The following RAPGEF2 variants were observed in gnomAD, a reference collection of about 807,000 sequenced individuals.
The protein encoded by RAPGEF2 is PDZ domain containing guanine nucleotide exchange factor (GEF) 1.
RAPGEF2 carries 54 observed loss-of-function variants against 186.7 expected under a neutral mutation model. The observed-to-expected ratio is 0.29, with a 90% CI of 0.23 to 0.36. RAPGEF2 has a LOEUF of 0.36. Ranked by LOEUF, RAPGEF2 falls within the 10% of genes least tolerant of loss-of-function variation. The pLI is 1.00. For synonymous variants in RAPGEF2, 712 were observed against 705.9 expected, an observed-to-expected ratio of 1.01 and a Z score of -0.14; for missense variants, 1,532 against 2,045.0, an observed-to-expected ratio of 0.75 and a Z score of 4.84.
intron 4 of RAPGEF2, among the ~76,000 whole-genome samples, chr4:159,214,728 C>G (rs1750842362): frequency 6.6e-6 from 1 of 152,066 alleles, no homozygotes; most frequent in Non-Finnish European, 1.5e-5. Flanking sequence ...GTATCTAGCT[C>G]TTTAGATTAT....
chr4:159,162,716 A>G lies in RAPGEF2; in HGVS notation c.70-23926A>G, dbSNP rs1323735276. 6.6e-5 allele frequency among the ~76,000 whole-genome samples: 10 copies of G among 152,292 alleles called. No homozygotes were observed. In the South Asian group the frequency reaches 1.9e-3, roughly 28 times the overall value. On this transcript the variant is annotated intron_variant, in intron 1 of 29. Transcript: ENST00000691494. ...CCTGTGCATTGAGTTTTCAAATGGA[A>G]TTGATTCTCAGGTTATAAGTAACTT... is the stretch of plus-strand genomic sequence containing the variant.
chr4:159,160,358 C>T (rs1744576091), intron 1 of RAPGEF2, among the ~76,000 whole-genome samples: 1 of 152,188 alleles, frequency 6.6e-6, no homozygotes, highest in Non-Finnish European at 1.5e-5. Context: ...AACATGTTTT[C>T]TCACATTATA....
chr4:159,242,312 TAAC>T (rs1316724997), intron 6 of RAPGEF2, among the ~76,000 whole-genome samples: 3 of 151,762 alleles, frequency 2.0e-5, no homozygotes, highest in Non-Finnish European at 4.4e-5. Flanking sequence ...AATAGATAAT[TAAC>T]AACTATTTTA....
chr4:159,145,435 T>C (rs1430138788), intron 1 of RAPGEF2, among the ~76,000 whole-genome samples: 2 of 152,064 alleles, frequency 1.3e-5, no homozygotes, highest in Non-Finnish European at 2.9e-5. Flanking sequence ...TGCCAAAACA[T>C]GTGATCTATA....
chr4:159,298,646 G>GA (rs1386311423), intron 7 of RAPGEF2, among the ~76,000 whole-genome samples: 2 of 152,230 alleles, frequency 1.3e-5, no homozygotes, highest in African/African-American at 4.8e-5. Context: ...TAGAGAAAGA[G>GA]AAACAATATG....
intron 1 of RAPGEF2, among the ~76,000 whole-genome samples, chr4:159,165,102 A>G (rs2111230927): frequency 6.6e-6 from 1 of 152,180 alleles, no homozygotes; most frequent in African/African-American, 2.4e-5. Context: ...GGTCTGTAGG[A>G]TAAGCTTATT....
At chr4:159,317,309 C>T (rs1579913317) in intron 9 of RAPGEF2, among the ~76,000 whole-genome samples, 1 of 152,116 alleles carries the variant, frequency 6.6e-6, no homozygotes, top group South Asian at 2.1e-4. Context: ...GGGTGAGCAC[C>T]TTCTATGTAC....
intron 4 of RAPGEF2, among the ~76,000 whole-genome samples, chr4:159,223,983 C>T (rs578031144): frequency 6.6e-6 from 1 of 152,154 alleles, no homozygotes; most frequent in East Asian, 1.9e-4. Flanking sequence ...ACTGCAACCT[C>T]CACCTCTCAG....
At chr4:159,160,638 T>C (rs1281623805) in intron 1 of RAPGEF2, among the ~76,000 whole-genome samples, 2 of 152,256 alleles carry the variant, frequency 1.3e-5, no homozygotes, top group Admixed American at 1.3e-4. Flanking sequence ...ATCTTTAACA[T>C]GATATTCAGT....
chr4:159,309,676 C>T (rs913882157), intron 8 of RAPGEF2, among the ~76,000 whole-genome samples: 3 of 152,136 alleles, frequency 2.0e-5, no homozygotes, highest in Admixed American at 6.6e-5. Context: ...GTTAGTAATA[C>T]GAGACAATGC....
intron 1 of RAPGEF2, among the ~76,000 whole-genome samples, chr4:159,140,449 T>A (rs988323401): frequency 2.0e-5 from 3 of 152,228 alleles, no homozygotes; most frequent in Admixed American, 6.5e-5. Flanking sequence ...TCCAATGATA[T>A]TACTGTTTCT....
At chr4:159,108,345 C>CG (rs1217451760) in intron 1 of RAPGEF2, among the ~76,000 whole-genome samples, 2 of 149,884 alleles carry the variant, frequency 1.3e-5, no homozygotes, top group Non-Finnish European at 3.0e-5. Flanking sequence ...TTAATGCAGT[C>CG]GCAGTCATTC....
intron 1 of RAPGEF2, among the ~76,000 whole-genome samples, chr4:159,119,651 C>T (rs1484678769): frequency 2.0e-5 from 3 of 152,026 alleles, no homozygotes; most frequent in South Asian, 2.1e-4. Flanking sequence ...CTTCTTGGTT[C>T]GCTTATTAGG....
rs756552586 is a variant in RAPGEF2 at position 159,330,398 on chromosome 4, T to C, written c.1367T>C (p.Ile456Thr). The stretch of plus-strand genomic sequence containing the variant: ...CATTCAGTAGTAGATCCAACATTCA[T>C]AGAAGACTTTCTGTTGACCTATAGG... ...EEHSVVDPTFIEDFLLTYRTF... is the reference protein window; with the variant it reads ...EEHSVVDPTFTEDFLLTYRTF... Residue 456 changes from isoleucine to threonine, a missense_variant, in exon 13 of 30, where the codon ATA becomes ACA. Physicochemically the swap from Ile to Thr is moderately conservative, Grantham distance 89. Around this residue, in one of 4 missense-constraint regions of RAPGEF2, gnomAD observed 810 missense variants for 1,210.5 expected, o/e 0.67. Transcript: ENST00000691494. 4 of 1,605,402 alleles carry C rather than the reference T, an allele frequency of 2.5e-6. No individual in the cohort carries two copies. The East Asian group carries it at 6.7e-5, about 27-fold the overall frequency.
chr4:159,122,688 A>C (rs867658806), intron 1 of RAPGEF2, among the ~76,000 whole-genome samples: 1 of 152,174 alleles, frequency 6.6e-6, no homozygotes, highest in Non-Finnish European at 1.5e-5. Flanking sequence ...CTCATCTCTC[A>C]ATGAGGAGTT....
chr4:159,171,555 C>A (rs1024520560), intron 1 of RAPGEF2, among the ~76,000 whole-genome samples: 2 of 152,064 alleles, frequency 1.3e-5, no homozygotes, highest in Non-Finnish European at 2.9e-5. Flanking sequence ...TGGAAAGGTG[C>A]ACTGTGATTA....
intron 6 of RAPGEF2, among the ~76,000 whole-genome samples, chr4:159,242,780 A>G (rs189562096): frequency 1.5e-3 from 222 of 152,204 alleles, no homozygotes; most frequent in African/African-American, 5.0e-3. Flanking sequence ...TGTATTAAAA[A>G]TAGTTATACA....
intron 3 of RAPGEF2, among the ~76,000 whole-genome samples, chr4:159,209,174 G>C (rs1191517854): frequency 7.7e-6 from 1 of 130,126 alleles, no homozygotes; most frequent in African/African-American, 2.9e-5. Flanking sequence ...TTATAGGTGT[G>C]AGCCACCATG....
rs1561228547 is a variant in RAPGEF2, at chr4:159,295,118, A to G, written c.544-9224A>G. Among the ~76,000 whole-genome samples the G allele has an allele frequency of 4.6e-5, 7 of 152,186 alleles. No homozygotes were observed. The South Asian group carries it at 1.2e-3, about 27-fold the overall frequency. On this transcript the variant is annotated intron_variant, in intron 7 of 29. Coordinates refer to ENST00000691494, the MANE Select transcript of RAPGEF2 (RefSeq NM_001394067.2). The stretch of plus-strand genomic sequence containing the variant: ...TACAATACAGGCCCCCTCGCCCCAA[A>G]GCTATCGCAGTAATTATTATTAACA...
Sources: gnomAD v4.1 joint callset for allele counts (sites outside exome capture counted in the v4.1 genomes callset) on GRCh38, gnomAD v4.1.1 for gene constraint, gnomAD v4.1.1 regional missense constraint, MANE v1.5 for transcripts, NCBI Gene and HGNC (gene_info 2026-07-23, HGNC 2026-07-21) for gene names.